Variants in CCSER1 observed in about 807,000 individuals in gnomAD.
CCSER1 encodes coiled-coil serine rich protein 1.
CCSER1 carries 41 observed loss-of-function variants against 82.0 expected under a neutral mutation model. That is an observed-to-expected ratio of 0.50 (90% CI 0.39 to 0.65). The LOEUF (loss-of-function observed/expected upper bound fraction) is 0.65. CCSER1 is among the 30% of genes least tolerant of loss of function. CCSER1 has a pLI of 0.00. For missense variants in CCSER1, 1,119 were observed against 1,064.2 expected, an observed-to-expected ratio of 1.05 and a Z score of -0.72; for synonymous variants, 414 against 383.9, an observed-to-expected ratio of 1.08 and a Z score of -0.92.
At chr4:91,179,881 G>A (rs1338264516) in intron 10 of CCSER1, among the ~76,000 whole-genome samples, 2 of 152,178 alleles carry the variant, frequency 1.3e-5, no homozygotes, top group Non-Finnish European at 2.9e-5. Context: ...AGGAGAAGAG[G>A]CGCTCTGATT....
intron 6 of CCSER1, among the ~76,000 whole-genome samples, chr4:90,657,115 T>A (rs1729836699): frequency 6.6e-6 from 1 of 152,096 alleles, no homozygotes; most frequent in Non-Finnish European, 1.5e-5. Flanking sequence ...AATATTTATT[T>A]TAGTATGGGT....
At chr4:91,595,330 C>A (rs979040947) in intron 10 of CCSER1, among the ~76,000 whole-genome samples, 6 of 152,276 alleles carry the variant, frequency 3.9e-5, no homozygotes, top group African/African-American at 1.4e-4. Context: ...TCACAAACAT[C>A]TGTCTCACAG....
At chr4:90,374,566 G>A (rs1339284970) in intron 3 of CCSER1, among the ~76,000 whole-genome samples, 2 of 152,074 alleles carry the variant, frequency 1.3e-5, no homozygotes, top group African/African-American at 4.8e-5. Context: ...TTAGAAATTT[G>A]ATGCATTATA....
At chr4:91,075,583 A>G (rs1315632644) in intron 9 of CCSER1, among the ~76,000 whole-genome samples, 1 of 152,294 alleles carries the variant, frequency 6.6e-6, no homozygotes, top group East Asian at 1.9e-4. Context: ...TCGTGTGTAC[A>G]TCAAGTCTTT....
At chr4:90,472,054 G>A (rs1219704886) in intron 5 of CCSER1, among the ~76,000 whole-genome samples, 1 of 151,942 alleles carries the variant, frequency 6.6e-6, no homozygotes, top group African/African-American at 2.4e-5. Context: ...ACTGTCTTTG[G>A]ATAACAAATA....
chr4:91,153,024 G>A (rs373109007), intron 10 of CCSER1, among the ~76,000 whole-genome samples: 29 of 151,924 alleles, frequency 1.9e-4, no homozygotes, highest in Admixed American at 9.8e-4. Context: ...TCTTTGTGGC[G>A]TTCTCTGTAT....
rs1229477687 is a variant in CCSER1 at position 90,308,135 on chromosome 4, G to A, written c.-41-109G>A. 3.5e-6 allele frequency: 3 copies of A among 848,744 alleles called. No individual in the cohort carries two copies. In the African/African-American group the frequency reaches 5.2e-5, roughly 15 times the overall value. The allele number at this position is 848,744 out of a possible 1,614,324, so 52.6% of individuals were successfully genotyped here. Reference sequence around the variant, plus strand: ...CAGATTTTTGTTATTTATCGTCTTAGTATAAACTAAATTCTATTTTGTGTC... The same window carrying A: ...CAGATTTTTGTTATTTATCGTCTTAATATAAACTAAATTCTATTTTGTGTC... On this transcript the variant is annotated intron_variant, in intron 1 of 10. Transcript: ENST00000509176.
chr4:90,924,686 A>AT (rs1728828158), intron 9 of CCSER1, among the ~76,000 whole-genome samples: 2 of 151,828 alleles, frequency 1.3e-5, no homozygotes, highest in South Asian at 4.2e-4. Context: ...TTTGTGAGGG[A>AT]TTTTTTTCCT....
chr4:91,249,958 A>C (rs76137667), intron 10 of CCSER1, among the ~76,000 whole-genome samples: 14 of 151,700 alleles, frequency 9.2e-5, no homozygotes, highest in East Asian at 7.8e-4. Flanking sequence ...AATAAAAAAA[A>C]AAAACAGCTT....
At chr4:91,041,306 C>T (rs191767509) in intron 9 of CCSER1, among the ~76,000 whole-genome samples, 1 of 152,266 alleles carries the variant, frequency 6.6e-6, no homozygotes, top group Non-Finnish European at 1.5e-5. Flanking sequence ...CTGTACTGTT[C>T]TCCCACACAT....
intron 8 of CCSER1, among the ~76,000 whole-genome samples, chr4:90,846,269 C>A (rs944732922): frequency 6.6e-6 from 1 of 152,136 alleles, no homozygotes; most frequent in Non-Finnish European, 1.5e-5. Flanking sequence ...TTAAATTACT[C>A]CATCTTAAAG....
chr4:90,815,780 T>C lies in CCSER1; in HGVS notation c.2029T>C (p.Cys677Arg). 6.4e-7 allele frequency: 1 copy of C among 1,551,118 alleles called. No individual in the cohort carries two copies. Residue 677 changes from cysteine to arginine, a missense_variant, in exon 8 of 11, where the codon TGC becomes CGC. Cys to Arg is a radical substitution (Grantham distance 180). Coordinates refer to ENST00000509176, the MANE Select transcript of CCSER1 (RefSeq NM_001145065.2). ...VPFKDIMKDE[C>R]SMLKLQLKEK... ...TTTATAGGATATAATGAAAGATGAA[T>C]GCTCGATGCTCAAGCTGCAGCTGAA... is the stretch of plus-strand genomic sequence containing the variant.
intron 10 of CCSER1, among the ~76,000 whole-genome samples, chr4:91,368,875 A>G (rs975912693): frequency 2.0e-5 from 3 of 152,214 alleles, no homozygotes; most frequent in Non-Finnish European, 2.9e-5. Flanking sequence ...CATAATACAA[A>G]TATGGAATTG....
intron 4 of CCSER1, among the ~76,000 whole-genome samples, chr4:90,462,307 A>G (rs1254275483): frequency 6.6e-6 from 1 of 152,146 alleles, no homozygotes; most frequent in African/African-American, 2.4e-5. Flanking sequence ...CCGGTTAGGT[A>G]AGTCCAAAAT....
intron 10 of CCSER1, among the ~76,000 whole-genome samples, chr4:91,490,867 G>T (rs1758480208): frequency 9.1e-5 from 4 of 44,040 alleles, no homozygotes; most frequent in Admixed American, 7.6e-4. Flanking sequence ...AATATCTCAG[G>T]CACTCCATAT....
intron 10 of CCSER1, among the ~76,000 whole-genome samples, chr4:91,353,037 G>A (rs974754405): frequency 6.6e-6 from 1 of 152,220 alleles, no homozygotes; most frequent in African/African-American, 2.4e-5. Flanking sequence ...CAAGAATGGA[G>A]AGAAGGAATC....
chr4:91,088,311 TAAG>T (rs1339126152), intron 10 of CCSER1, among the ~76,000 whole-genome samples: 2 of 152,140 alleles, frequency 1.3e-5, no homozygotes, highest in African/African-American at 4.8e-5. Flanking sequence ...CAAATATTTA[TAAG>T]AAGATTTAAG....
chr4:90,200,845 A>G (rs1470192161), intron 1 of CCSER1, among the ~76,000 whole-genome samples: 1 of 152,132 alleles, frequency 6.6e-6, no homozygotes, highest in Non-Finnish European at 1.5e-5. Context: ...GTACTTATAT[A>G]GCTCCTATGT....
intron 1 of CCSER1, among the ~76,000 whole-genome samples, chr4:90,148,499 C>A (rs2153347722): frequency 6.6e-6 from 1 of 152,146 alleles, no homozygotes; most frequent in South Asian, 2.1e-4. Context: ...TATGGTAGTA[C>A]AAGGTTGATA....
Sources: gnomAD v4.1 joint callset for allele counts (sites outside exome capture counted in the v4.1 genomes callset) on GRCh38, gnomAD v4.1.1 for gene constraint, MANE v1.5 for transcripts, NCBI Gene and HGNC (gene_info 2026-07-23, HGNC 2026-07-21) for gene names.